Variants in LHFPL3 observed in about 807,000 individuals in gnomAD.
The protein encoded by LHFPL3 is LHFPL tetraspan subfamily member 3, also known as LHFPL tetraspan subfamily member 3 protein.
Under a neutral mutation model 19.3 loss-of-function variants are expected in LHFPL3, and 5 were observed. That is an observed-to-expected ratio of 0.26 (90% CI 0.14 to 0.54). The LOEUF is 0.54. LHFPL3 is among the 20% of genes least tolerant of loss of function. The pLI is 0.94. For missense variants in LHFPL3, 249 were observed against 307.4 expected, an observed-to-expected ratio of 0.81 and a Z score of 1.42; for synonymous variants, 133 against 126.2, an observed-to-expected ratio of 1.05 and a Z score of -0.36.
intron 1 of LHFPL3, among the ~76,000 whole-genome samples, chr7:104,587,338 C>G (rs1487105023): frequency 6.6e-6 from 1 of 152,128 alleles, no homozygotes; most frequent in East Asian, 1.9e-4. Flanking sequence ...TCTCATTGTT[C>G]AATTCCGACG....
chr7:104,666,819 C>A (rs1420434105), intron 1 of LHFPL3, among the ~76,000 whole-genome samples: 2 of 152,100 alleles, frequency 1.3e-5, no homozygotes, highest in East Asian at 3.9e-4. Flanking sequence ...ACCACCGCGC[C>A]CAGCCTCATT....
At chr7:104,380,510 C>T (rs1790806143) in intron 1 of LHFPL3, among the ~76,000 whole-genome samples, 1 of 152,050 alleles carries the variant, frequency 6.6e-6, no homozygotes, top group Non-Finnish European at 1.5e-5. Context: ...TGAAAGAGTT[C>T]ACCACATCTG....
intron 2 of LHFPL3, among the ~76,000 whole-genome samples, chr7:104,841,677 T>C (rs1791212926): frequency 6.6e-6 from 1 of 152,142 alleles, no homozygotes; most frequent in Admixed American, 6.6e-5. Context: ...TCTACCTCTC[T>C]TCTCTCCTCT....
chr7:104,842,909 T>C (rs1012593281), intron 2 of LHFPL3, among the ~76,000 whole-genome samples: 5 of 152,246 alleles, frequency 3.3e-5, no homozygotes, highest in African/African-American at 1.2e-4. Flanking sequence ...AACATTCTGA[T>C]GACATAAATA....
At chr7:104,381,416 C>G (rs1051486120) in intron 1 of LHFPL3, among the ~76,000 whole-genome samples, 14 of 152,144 alleles carry the variant, frequency 9.2e-5, no homozygotes, top group African/African-American at 3.4e-4. Context: ...AGATCCAAAA[C>G]TATTATCTCT....
chr7:104,596,256 A>G (rs1222141489), intron 1 of LHFPL3, among the ~76,000 whole-genome samples: 1 of 152,236 alleles, frequency 6.6e-6, no homozygotes, highest in Non-Finnish European at 1.5e-5. Flanking sequence ...TGGCTCATAA[A>G]GGTGCATTTA....
intron 1 of LHFPL3, among the ~76,000 whole-genome samples, chr7:104,389,889 C>T (rs915577263): frequency 6.6e-6 from 1 of 152,134 alleles, no homozygotes; most frequent in Non-Finnish European, 1.5e-5. Context: ...CACACCTAAA[C>T]GTTAGAATTA....
At chr7:104,689,175 T>C (rs1792861508) in intron 1 of LHFPL3, among the ~76,000 whole-genome samples, 1 of 152,020 alleles carries the variant, frequency 6.6e-6, no homozygotes, top group Non-Finnish European at 1.5e-5. Flanking sequence ...GAGTTTAGAG[T>C]GGGAACTGCA....
chr7:104,344,047 C>T (rs144231042), intron 1 of LHFPL3, among the ~76,000 whole-genome samples: 3 of 152,168 alleles, frequency 2.0e-5, no homozygotes, highest in African/African-American at 7.2e-5. Context: ...TATATTCCTA[C>T]ACTAAGTTTT....
intron 2 of LHFPL3, among the ~76,000 whole-genome samples, chr7:104,834,973 A>G (rs1166320689): frequency 2.6e-5 from 4 of 151,732 alleles, no homozygotes; most frequent in African/African-American, 9.7e-5. Flanking sequence ...GTAAATTCAC[A>G]TTTTCTTTTT....
chr7:104,840,421 C>T (rs1343363694), intron 2 of LHFPL3, among the ~76,000 whole-genome samples: 1 of 148,908 alleles, frequency 6.7e-6, no homozygotes, highest in South Asian at 2.1e-4. Flanking sequence ...TCAGCCTCAG[C>T]CTCCGGAGTA....
chr7:104,408,840 G>A (rs1474798167), intron 1 of LHFPL3, among the ~76,000 whole-genome samples: 4 of 148,226 alleles, frequency 2.7e-5, no homozygotes, highest in African/African-American at 9.9e-5. Context: ...GAAGAGTGGA[G>A]GCACTAGTGT....
chr7:104,566,419 C>A (rs181047778), intron 1 of LHFPL3, among the ~76,000 whole-genome samples: 3 of 152,212 alleles, frequency 2.0e-5, no homozygotes. Context: ...AATAAAAATA[C>A]CCTGACCTCT....
At chr7:104,646,456 T>G (rs1791937727) in intron 1 of LHFPL3, among the ~76,000 whole-genome samples, 1 of 152,214 alleles carries the variant, frequency 6.6e-6, no homozygotes, top group Non-Finnish European at 1.5e-5. Context: ...GAGCTTTATT[T>G]CTGTGAAATA....
At chr7:104,606,691 A>C (rs1377218076) in intron 1 of LHFPL3, among the ~76,000 whole-genome samples, 1 of 152,200 alleles carries the variant, frequency 6.6e-6, no homozygotes, top group Non-Finnish European at 1.5e-5. Flanking sequence ...TGGAGAGTTT[A>C]ACTAATGTGA....
At chr7:104,527,128 G>A (rs1369532572) in intron 1 of LHFPL3, among the ~76,000 whole-genome samples, 2 of 152,184 alleles carry the variant, frequency 1.3e-5, no homozygotes, top group African/African-American at 4.8e-5. Flanking sequence ...ACCAAGCTTG[G>A]TGTGCTCACC....
chr7:104,334,949 A>C (rs1789764000), intron 1 of LHFPL3, among the ~76,000 whole-genome samples: 1 of 152,162 alleles, frequency 6.6e-6, no homozygotes, highest in Admixed American at 6.5e-5. Context: ...CTTCAGGAGC[A>C]ATAAAGACAG....
chr7:104,336,942 G>T (rs188138388), intron 1 of LHFPL3, among the ~76,000 whole-genome samples: 1 of 152,204 alleles, frequency 6.6e-6, no homozygotes, highest in African/African-American at 2.4e-5. Context: ...CACATTCTAT[G>T]CCCTGTTAGA....
At chr7:104,486,001 A>T (rs1793228295) in intron 1 of LHFPL3, among the ~76,000 whole-genome samples, 1 of 152,222 alleles carries the variant, frequency 6.6e-6, no homozygotes, top group Non-Finnish European at 1.5e-5. Flanking sequence ...CCTTTCAGGG[A>T]AGATCATTTA....
Sources: gnomAD v4.1 joint callset for allele counts (sites outside exome capture counted in the v4.1 genomes callset) on GRCh38, gnomAD v4.1.1 for gene constraint, MANE v1.5 for transcripts, NCBI Gene and HGNC (gene_info 2026-07-23, HGNC 2026-07-21) for gene names.